The following SWT1 variants were observed in gnomAD, a reference collection of about 807,000 sequenced individuals.
SWT1 encodes transcriptional protein SWT1.
SWT1 carries 33 observed loss-of-function variants against 107.3 expected under a neutral mutation model. That is an observed-to-expected ratio of 0.31 (90% CI 0.23 to 0.41). The LOEUF (loss-of-function observed/expected upper bound fraction) is 0.41, where lower values mean the gene tolerates loss of function less well. Ranked by LOEUF, SWT1 falls within the 10% of genes least tolerant of loss-of-function variation. The pLI, the probability that SWT1 is intolerant of heterozygous loss-of-function variation, is 1.00. For synonymous variants in SWT1, 345 were observed against 348.3 expected, an observed-to-expected ratio of 0.99 and a Z score of 0.11; for missense variants, 898 against 1,028.9, an observed-to-expected ratio of 0.87 and a Z score of 1.74.
chr1:185,231,620 A>G lies in SWT1; in HGVS notation c.2353A>G (p.Thr785Ala), dbSNP rs138732238. The G allele has an allele frequency of 4.3e-6, 7 of 1,609,422 alleles. No individual in the cohort carries two copies. The highest frequency in any genetic ancestry group is 6.0e-6 in the Non-Finnish European group (7 of 1,176,214). ...QRLGSNSALT[T>A]SNIASFEEAF... The stretch of plus-strand genomic sequence containing the variant: ...ATTGGGCTCAAATTCAGCTCTGACT[A>G]CTTCAAATATAGCATCATTTGAAGA... Residue 785 changes from threonine (T) to alanine (A), a missense_variant, in exon 16 of 19, where the codon ACT becomes GCT. Thr to Ala is a moderately conservative substitution (Grantham distance 58, BLOSUM62 0). Around this residue, in one of 6 missense-constraint regions of SWT1, gnomAD observed 382 missense variants for 460.0 expected, o/e 0.83. Coordinates refer to ENST00000367500, the MANE Select transcript of SWT1 (RefSeq NM_017673.7).
chr1:185,262,614 T>A (rs930244920), intron 16 of SWT1: 1 of 152,078 alleles, frequency 6.6e-6, no homozygotes, highest in African/African-American at 2.4e-5. Flanking sequence ...AAACAACAGA[T>A]GTTTTATTTT....
At chr1:185,286,960 T>C (rs529922276) in intron 18 of SWT1, among the ~76,000 whole-genome samples, 15 of 152,362 alleles carry the variant, frequency 9.8e-5, no homozygotes, top group Admixed American at 9.1e-4. Context: ...TTAGCTATTA[T>C]ATACTGCTTT....
intron 13 of SWT1, among the ~76,000 whole-genome samples, chr1:185,207,518 G>A (rs1041685646): frequency 5.3e-5 from 8 of 152,176 alleles, no homozygotes; most frequent in Admixed American, 6.5e-5. Flanking sequence ...CTGATCTAAT[G>A]TTATTAAAGC....
chr1:185,166,059 C>A (rs191415204), intron 2 of SWT1, among the ~76,000 whole-genome samples: 2 of 152,264 alleles, frequency 1.3e-5, no homozygotes, highest in Admixed American at 1.3e-4. Flanking sequence ...TCCACAGCAT[C>A]GTCTGACACA....
At chr1:185,273,530 G>GT (rs1664037579) in intron 17 of SWT1, among the ~76,000 whole-genome samples, 1 of 151,532 alleles carries the variant, frequency 6.6e-6, no homozygotes, top group African/African-American at 2.4e-5. Flanking sequence ...GTGAAACCCC[G>GT]TCTCTACTAA....
rs79821263 is a variant in SWT1 at position 185,282,596 on chromosome 1, T to C, written c.2573+5928T>C. Among the ~76,000 whole-genome samples the C allele has an allele frequency of 2.7e-3, 415 of 152,206 alleles. 14 individuals are homozygous for C. In the East Asian group the frequency reaches 0.068, roughly 25 times the overall value. ...AGCAGACTACACCTGAGGAGGGAGT[T>C]GTTGTGGGAACCCTCCTGATTTATA... is the stretch of plus-strand genomic sequence containing the variant. On this transcript the variant is annotated intron_variant, in intron 18 of 18. Coordinates refer to ENST00000367500, the MANE Select transcript of SWT1 (RefSeq NM_017673.7).
chr1:185,270,685 G>A (rs1365974952), intron 16 of SWT1, among the ~76,000 whole-genome samples: 2 of 152,100 alleles, frequency 1.3e-5, no homozygotes, highest in African/African-American at 2.4e-5. Context: ...CTACAGCCTG[G>A]GCGACAGAGT....
intron 12 of SWT1, among the ~76,000 whole-genome samples, chr1:185,206,020 G>T (rs995091613): frequency 6.6e-6 from 1 of 151,392 alleles, no homozygotes; most frequent in African/African-American, 2.4e-5. Flanking sequence ...GTGCAGTCGC[G>T]TGATCTCGGC....
At chr1:185,286,825 C>T (rs762231767) in intron 18 of SWT1, among the ~76,000 whole-genome samples, 1 of 151,922 alleles carries the variant, frequency 6.6e-6, no homozygotes, top group Non-Finnish European at 1.5e-5. Flanking sequence ...ACTTCTAGTA[C>T]AATGTTGAAT....
intron 9 of SWT1, among the ~76,000 whole-genome samples, chr1:185,189,082 G>T (rs1323541149): frequency 6.6e-6 from 1 of 152,062 alleles, no homozygotes; most frequent in African/African-American, 2.4e-5. Flanking sequence ...GAGCTCAAGT[G>T]GTCCTCCCTC....
intron 4 of SWT1, among the ~76,000 whole-genome samples, chr1:185,173,855 A>G (rs1467975144): frequency 6.6e-6 from 1 of 152,102 alleles, no homozygotes; most frequent in Admixed American, 6.5e-5. Flanking sequence ...TGTCACTACA[A>G]AAAAATTACA....
chr1:185,232,553 T>C (rs1356097727), intron 16 of SWT1, among the ~76,000 whole-genome samples: 1 of 152,130 alleles, frequency 6.6e-6, no homozygotes, highest in Non-Finnish European at 1.5e-5. Flanking sequence ...TCAAAAGGTA[T>C]TAGTATTTTA....
chr1:185,289,888 T>C (rs1665151307), intron 18 of SWT1, among the ~76,000 whole-genome samples: 1 of 152,078 alleles, frequency 6.6e-6, no homozygotes, highest in African/African-American at 2.4e-5. Context: ...AAATTTCAGA[T>C]AGGAGAAATA....
intron 1 of SWT1, among the ~76,000 whole-genome samples, chr1:185,158,563 A>G (rs1653856745): frequency 6.7e-6 from 1 of 148,840 alleles, no homozygotes; most frequent in South Asian, 2.1e-4. Context: ...AAATGACTAG[A>G]TGGTTAACTG....
Position 185,280,950 on chromosome 1 carries a change from G to A in SWT1, c.2573+4282G>A, listed in dbSNP as rs79126575. On this transcript the variant is annotated intron_variant, in intron 18 of 18. Transcript: ENST00000367500. ...GAGGTTGGAAACCAGAAGCATGTTG[G>A]TGTGCTATTGGGGTCATGGCAAAAG... is the stretch of plus-strand genomic sequence containing the variant. 2,849 of 483,506 alleles carry A rather than the reference G, an allele frequency of 5.9e-3. 21 individuals are homozygous for A. Among genetic ancestry groups the A allele is most frequent in the South Asian group, 0.01 (659 of 63,894 alleles). The allele number at this position is 483,506 out of a possible 1,614,324, so 30.0% of individuals were successfully genotyped here.
chr1:185,193,393 A>C (rs1300037064), intron 10 of SWT1, among the ~76,000 whole-genome samples: 1 of 151,572 alleles, frequency 6.6e-6, no homozygotes, highest in African/African-American at 2.4e-5. Flanking sequence ...GTATTCTATA[A>C]ATTTCAGTTA....
chr1:185,213,838 A>G (rs1191462544), intron 13 of SWT1, among the ~76,000 whole-genome samples: 2 of 152,182 alleles, frequency 1.3e-5, no homozygotes, highest in African/African-American at 4.8e-5. Context: ...TAATGTAATT[A>G]GTTTTAGTTC....
In SWT1 at chr1:185,184,840, T is replaced by G. The variant is rs1351381063; in HGVS notation, c.1338T>G (p.Ala446=). The G allele has an allele frequency of 6.3e-7, 1 of 1,583,020 alleles. No individual in the cohort carries two copies. The part of the protein sequence containing the change: ...GKLLKRAQHK[A]IPAVHFINDS... ...TACTAAAACGTGCCCAGCACAAAGC[T>G]ATACCTGCAGTTCATTTCATCAACG... is the stretch of plus-strand genomic sequence containing the variant. Residue 446 remains alanine (A), a synonymous_variant, in exon 9 of 19, where the codon GCT becomes GCG. Coordinates refer to ENST00000367500, the MANE Select transcript of SWT1 (RefSeq NM_017673.7).
intron 13 of SWT1, among the ~76,000 whole-genome samples, chr1:185,212,819 C>A (rs1658928968): frequency 7.2e-6 from 1 of 139,044 alleles, no homozygotes; most frequent in Non-Finnish European, 1.6e-5. Flanking sequence ...AAAAAAAAAA[C>A]TTCTTGCTGT....
Sources: allele counts gnomAD v4.1 joint callset (sites outside exome capture counted in the v4.1 genomes callset), GRCh38; gene constraint gnomAD v4.1.1; regional missense constraint gnomAD v4.1.1; transcripts MANE v1.5; gene names NCBI Gene and HGNC (gene_info 2026-07-23, HGNC 2026-07-21).